The following RGS7 variants were observed in gnomAD, a reference collection of about 807,000 sequenced individuals.
RGS7 encodes the protein regulator of G-protein signaling 7.
A neutral mutation model predicts 81.1 loss-of-function variants in RGS7; 27 were observed. The ratio of observed to expected loss-of-function variants is 0.33; its 90% CI spans 0.25 to 0.46. The LOEUF (loss-of-function observed/expected upper bound fraction) is 0.46. Ranked by LOEUF, RGS7 falls within the 20% of genes least tolerant of loss-of-function variation. The pLI, the probability that RGS7 is intolerant of heterozygous loss-of-function variation, is 1.00. For missense variants in RGS7, 396 were observed against 607.4 expected, an observed-to-expected ratio of 0.65 and a Z score of 3.66; for synonymous variants, 208 against 207.7, an observed-to-expected ratio of 1.00 and a Z score of -0.01.
At chr1:241,090,011 A>AGAG (rs1553415262) in intron 3 of RGS7, among the ~76,000 whole-genome samples, 1 of 141,766 alleles carries the variant, frequency 7.1e-6, no homozygotes, top group Non-Finnish European at 1.5e-5. Flanking sequence ...AAAAAAAAAA[A>AGAG]AGAGAGAGAG....
chr1:241,106,894 T>A (rs969951051), intron 2 of RGS7, among the ~76,000 whole-genome samples: 1 of 138,740 alleles, frequency 7.2e-6, no homozygotes, highest in African/African-American at 3.0e-5. Context: ...TAGACGTTTC[T>A]GCTTTTTTTT....
At chr1:241,295,279 T>C (rs1031963200) in intron 2 of RGS7, among the ~76,000 whole-genome samples, 2 of 138,176 alleles carry the variant, frequency 1.4e-5, no homozygotes, top group African/African-American at 2.5e-5. Flanking sequence ...AAACCCCGTC[T>C]CTACTAAAAA....
Position 240,868,339 on chromosome 1 carries a change from C to T in RGS7, c.609+248G>A, listed in dbSNP as rs889752904. 2.6e-5 allele frequency among the ~76,000 whole-genome samples: 4 copies of T among 152,100 alleles called. No individual in the cohort carries two copies. The highest frequency in any genetic ancestry group is 4.8e-5 in the African/African-American group (2 of 41,416). ...AAATGTATACAGAAGCATCAGATAC[C>T]TTCAAATAGCAAGAGAGTAAGCAAG... On this transcript the variant is annotated intron_variant, in intron 9 of 18. Transcript: ENST00000440928. The surrounding 1 kb of genome is among the most constrained non-coding windows in gnomAD (Gnocchi z 5.1).
rs569800988 is a variant in RGS7, at chr1:240,806,418, A to C, written c.1083-92T>G. ...ACGGATCATGCAGTTCATCATGACG[A>C]CTCACAGCCAGCTCACTTTCTCTGA... On this transcript the variant is annotated intron_variant, in intron 14 of 18. Transcript: ENST00000440928. 91 of 1,221,072 alleles carry C rather than the reference A, an allele frequency of 7.5e-5. No individual in the cohort carries two copies. The African/African-American group carries it at 9.3e-4, about 13-fold the overall frequency. The allele number at this position is 1,221,072 out of a possible 1,614,324, so 75.6% of individuals were successfully genotyped here. A position where few individuals can be genotyped will look rare whatever the true frequency, so the allele number is the denominator to read the frequency against.
chr1:241,142,443 C>A (rs540611958), intron 2 of RGS7, among the ~76,000 whole-genome samples: 1 of 152,204 alleles, frequency 6.6e-6, no homozygotes, highest in South Asian at 2.1e-4. Context: ...CTGAAATCCA[C>A]GCAGAGTTTC....
chr1:241,124,317 C>A (rs779472932), intron 2 of RGS7, among the ~76,000 whole-genome samples: 1 of 152,012 alleles, frequency 6.6e-6, no homozygotes, highest in Non-Finnish European at 1.5e-5. Flanking sequence ...ATCGCTTGAG[C>A]CCAGGAGGTT....
chr1:240,873,501 C>T (rs1190393125), intron 6 of RGS7, among the ~76,000 whole-genome samples: 5 of 152,084 alleles, frequency 3.3e-5, no homozygotes, highest in Admixed American at 2.0e-4. Context: ...TAAGAAAGCT[C>T]CATAGATAAG....
intron 2 of RGS7, among the ~76,000 whole-genome samples, chr1:241,291,895 A>G (rs1287400473): frequency 6.6e-6 from 1 of 152,152 alleles, no homozygotes; most frequent in African/African-American, 2.4e-5. Flanking sequence ...CATTTTAACC[A>G]AAGCACTAGG....
intron 3 of RGS7, among the ~76,000 whole-genome samples, chr1:241,096,567 G>A (rs2064272764): frequency 6.6e-6 from 1 of 152,124 alleles, no homozygotes; most frequent in African/African-American, 2.4e-5. Context: ...TTATTGAATA[G>A]CTACCACTGT....
chr1:240,832,597 G>A (rs905929607), intron 9 of RGS7, among the ~76,000 whole-genome samples: 1 of 152,152 alleles, frequency 6.6e-6, no homozygotes, highest in East Asian at 1.9e-4. Flanking sequence ...CCTTTCATGC[G>A]ATAGTACATT....
intron 3 of RGS7, among the ~76,000 whole-genome samples, chr1:240,994,976 T>G (rs1286442455): frequency 1.3e-5 from 2 of 152,116 alleles, no homozygotes; most frequent in Non-Finnish European, 2.9e-5. Context: ...GCACCTGGCC[T>G]AAAGTTTTTG....
chr1:241,199,739 AC>A (rs2073359011), intron 2 of RGS7, among the ~76,000 whole-genome samples: 1 of 151,854 alleles, frequency 6.6e-6, no homozygotes, highest in Non-Finnish European at 1.5e-5. Context: ...GCAGATATCT[AC>A]TATGTTTCTC....
intron 4 of RGS7, among the ~76,000 whole-genome samples, chr1:240,955,726 T>C (rs11805657): frequency 0.87 from 132,403 of 152,190 alleles, 57,769 homozygotes; most frequent in Admixed American, 0.93. Flanking sequence ...GTCAATTGAT[T>C]TTAGACAAAG....
intron 3 of RGS7, among the ~76,000 whole-genome samples, chr1:241,038,702 G>A (rs565413956): frequency 1.3e-5 from 2 of 152,168 alleles, no homozygotes; most frequent in Admixed American, 6.5e-5. Context: ...GGCAATGAAC[G>A]TAGGGTAGCC....
intron 2 of RGS7, among the ~76,000 whole-genome samples, chr1:241,309,939 G>C (rs1446298520): frequency 6.6e-6 from 1 of 152,190 alleles, no homozygotes; most frequent in Non-Finnish European, 1.5e-5. Flanking sequence ...TCATGTAAAA[G>C]AATCAATGTG....
chr1:240,779,101 G>T (rs1164474982), intron 18 of RGS7, among the ~76,000 whole-genome samples: 1 of 11,324 alleles, frequency 8.8e-5, no homozygotes. Context: ...AGTGTTCTTT[G>T]TGTGTGTGTG....
intron 6 of RGS7, among the ~76,000 whole-genome samples, chr1:240,886,301 T>C (rs868137105): frequency 6.6e-6 from 1 of 152,204 alleles, no homozygotes; most frequent in South Asian, 2.1e-4. Flanking sequence ...CAGTGGAACA[T>C]GACACCCAAT....
chr1:240,868,197 C>G lies in RGS7; in HGVS notation c.609+390G>C, dbSNP rs4660009. 1.4e-5 allele frequency among the ~76,000 whole-genome samples: 2 copies of G among 147,406 alleles called. No individual in the cohort carries two copies. Among genetic ancestry groups the G allele is most frequent in the Admixed American group, 6.7e-5 (1 of 14,878 alleles). ...AAGGACGAAGGAAGGAAGGAAGGAACGAAGGAACGAAGGGAGGGAAGGAAA... is the reference window on the plus strand; with the variant it reads ...AAGGACGAAGGAAGGAAGGAAGGAAGGAAGGAACGAAGGGAGGGAAGGAAA... On this transcript the variant is annotated intron_variant, in intron 9 of 18. Transcript: ENST00000440928. This position sits in a 1 kb window ranked among gnomAD's most constrained non-coding sequence, Gnocchi z 5.1.
intron 9 of RGS7, among the ~76,000 whole-genome samples, chr1:240,833,082 G>A (rs1028152165): frequency 1.3e-5 from 2 of 152,112 alleles, no homozygotes; most frequent in Non-Finnish European, 2.9e-5. Context: ...ACAACAATAA[G>A]TAATAATAAA....
Sources: gnomAD v4.1 joint callset for allele counts (sites outside exome capture counted in the v4.1 genomes callset) on GRCh38, gnomAD v4.1.1 for gene constraint, Gnocchi (gnomAD v3.1) non-coding constraint, MANE v1.5 for transcripts, NCBI Gene and HGNC (gene_info 2026-07-23, HGNC 2026-07-21) for gene names.